FLRT2: variants seen among roughly 807,000 people sequenced by gnomAD.
FLRT2 encodes fibronectin leucine rich transmembrane protein 2.
Under a neutral mutation model 40.0 loss-of-function variants are expected in FLRT2, and 15 were observed. That is an observed-to-expected ratio of 0.38 (90% CI 0.25 to 0.58). The LOEUF is 0.58. Among genes scored for constraint, FLRT2 ranks in the 20% least tolerant of loss-of-function variants. FLRT2 has a pLI of 0.71. For missense variants in FLRT2, 726 were observed against 840.0 expected, an observed-to-expected ratio of 0.86 and a Z score of 1.68; for synonymous variants, 380 against 336.8, an observed-to-expected ratio of 1.13 and a Z score of -1.41.
intron 1 of FLRT2, among the ~76,000 whole-genome samples, chr14:85,594,468 C>T (rs575922586): frequency 3.3e-5 from 5 of 152,114 alleles, no homozygotes; most frequent in Admixed American, 6.5e-5. Context: ...CTCACATACC[C>T]TAGGTGCGGC....
intron 1 of FLRT2, among the ~76,000 whole-genome samples, chr14:85,598,552 C>T (rs769510972): frequency 2.0e-5 from 3 of 152,256 alleles, no homozygotes; most frequent in Middle Eastern, 3.4e-3. Context: ...CTGAATTCAT[C>T]GTAGGGCTTG....
intron 1 of FLRT2, among the ~76,000 whole-genome samples, chr14:85,588,021 TC>T (rs1472682537): frequency 6.6e-6 from 1 of 151,994 alleles, no homozygotes; most frequent in Non-Finnish European, 1.5e-5. Flanking sequence ...AATCTCGGCC[TC>T]CCGGGTTCAT....
rs552369392 is a variant in FLRT2, at chr14:85,543,049, A to G, written c.-377+12515A>G. Among the ~76,000 whole-genome samples, 8 of 152,284 alleles carry G rather than the reference A, an allele frequency of 5.3e-5. No individual in the cohort carries two copies. The South Asian group carries it at 1.7e-3, about 32-fold the overall frequency. On this transcript the variant is annotated intron_variant, in intron 1 of 1. Transcript: ENST00000330753. ...GCCAAGAAGAAGAACCTAAAGTCCA[A>G]CTTCCTGTAACCATCAACACATTTA...
intron 1 of FLRT2, among the ~76,000 whole-genome samples, chr14:85,616,717 T>A (rs750912877): frequency 1.3e-5 from 2 of 152,176 alleles, no homozygotes; most frequent in African/African-American, 4.8e-5. Context: ...AGGACCATGA[T>A]TACCTGATGC....
At chr14:85,612,233 C>T (rs561609982) in intron 1 of FLRT2, among the ~76,000 whole-genome samples, 1 of 151,748 alleles carries the variant, frequency 6.6e-6, no homozygotes, top group South Asian at 2.1e-4. Flanking sequence ...AGTTTGAAAG[C>T]TGCCATGGCC....
chr14:85,613,816 TACTC>T (rs1179646059), intron 1 of FLRT2, among the ~76,000 whole-genome samples: 3 of 152,198 alleles, frequency 2.0e-5, no homozygotes, highest in Non-Finnish European at 4.4e-5. Flanking sequence ...CCCTGTCACT[TACTC>T]ACTGATCAAC....
At chr14:85,538,717 A>G (rs1888814226) in intron 1 of FLRT2, among the ~76,000 whole-genome samples, 2 of 152,282 alleles carry the variant, frequency 1.3e-5, no homozygotes, top group South Asian at 2.1e-4. Flanking sequence ...AACCACCTTC[A>G]GCAGGGAGCA....
Position 85,629,153 on chromosome 14 carries a change from C to G in FLRT2, c.*5656C>G, listed in dbSNP as rs573953662. Reference sequence around the variant, plus strand: ...CACTTTTTCTAATGCATTCCAGTGTCTCAGAGCCTGCATAATCACTTTATA... The same window carrying G: ...CACTTTTTCTAATGCATTCCAGTGTGTCAGAGCCTGCATAATCACTTTATA... On this transcript the variant is annotated 3_prime_UTR_variant, in exon 2 of 2. Transcript: ENST00000330753. 1 of 152,168 alleles carries G rather than the reference C, an allele frequency of 6.6e-6. No homozygotes were observed. Among genetic ancestry groups the G allele is most frequent in the Admixed American group, 6.5e-5 (1 of 15,274 alleles). 9.4% of individuals were successfully genotyped at this position (152,168 alleles called of 1,614,324 possible).
At chr14:85,592,366 A>T (rs4904259) in intron 1 of FLRT2, among the ~76,000 whole-genome samples, 126,062 of 151,986 alleles carry the variant, frequency 0.83, 52,375 homozygotes, top group East Asian at 0.93. Flanking sequence ...ACCTCCACTC[A>T]CCTTTCTTTT....
chr14:85,578,889 G>A (rs373956761), intron 1 of FLRT2, among the ~76,000 whole-genome samples: 1 of 152,108 alleles, frequency 6.6e-6, no homozygotes, highest in African/African-American at 2.4e-5. Flanking sequence ...CAAACCAGAA[G>A]GCACTCCAAA....
At chr14:85,604,704 T>C (rs1013272314) in intron 1 of FLRT2, among the ~76,000 whole-genome samples, 2 of 152,168 alleles carry the variant, frequency 1.3e-5, no homozygotes, top group Non-Finnish European at 2.9e-5. Context: ...ATTGGACTAA[T>C]GGTAGAGGGA....
chr14:85,596,421 T>C (rs1595067090), intron 1 of FLRT2, among the ~76,000 whole-genome samples: 1 of 152,344 alleles, frequency 6.6e-6, no homozygotes, highest in East Asian at 1.9e-4. Flanking sequence ...GCACATTTGT[T>C]AGCTATTTGT....
At chr14:85,545,144 C>T (rs1214204811) in intron 1 of FLRT2, among the ~76,000 whole-genome samples, 1 of 152,170 alleles carries the variant, frequency 6.6e-6, no homozygotes, top group Non-Finnish European at 1.5e-5. Context: ...ATGTGCTCTC[C>T]TGGTTTCTTG....
At chr14:85,556,805 T>G (rs1294138042) in intron 1 of FLRT2, among the ~76,000 whole-genome samples, 1 of 152,220 alleles carries the variant, frequency 6.6e-6, no homozygotes, top group Non-Finnish European at 1.5e-5. Flanking sequence ...TAGCACAATT[T>G]CTGTACCTTT....
intron 1 of FLRT2, among the ~76,000 whole-genome samples, chr14:85,531,566 C>G (rs930389395): frequency 7.2e-5 from 11 of 152,068 alleles, no homozygotes; most frequent in Non-Finnish European, 1.3e-4. Context: ...TACTTGATAC[C>G]CGGGAAACTC....
intron 1 of FLRT2, among the ~76,000 whole-genome samples, chr14:85,588,028 T>G (rs1891707097): frequency 2.6e-5 from 4 of 151,728 alleles, no homozygotes; most frequent in Admixed American, 2.6e-4. Flanking sequence ...GCCTCCCGGG[T>G]TCATGCCATT....
chr14:85,535,904 TTTTTTTTTTTTTTTTTTGTTG>T (rs1028308870), intron 1 of FLRT2, among the ~76,000 whole-genome samples: 4 of 76,830 alleles, frequency 5.2e-5, no homozygotes, highest in African/African-American at 2.5e-4. Context: ...TTTTTTTTTT[TTTTTTTTTTTTTTTTTTGTTG>T]TTGTTGTTGT....
At chr14:85,590,548 C>G (rs1441133586) in intron 1 of FLRT2, among the ~76,000 whole-genome samples, 1 of 152,060 alleles carries the variant, frequency 6.6e-6, no homozygotes, top group African/African-American at 2.4e-5. Context: ...TGCACAGTAT[C>G]ATGCATATGG....
In FLRT2 at chr14:85,538,709, C is replaced by T. The variant is rs1321125217; in HGVS notation, c.-377+8175C>T. Among the ~76,000 whole-genome samples, 4 of 152,216 alleles carry T rather than the reference C, an allele frequency of 2.6e-5. No homozygotes were observed. The East Asian group carries it at 7.7e-4, about 29-fold the overall frequency. On this transcript the variant is annotated intron_variant, in intron 1 of 1. Transcript: ENST00000330753. ...ATATTAGGCCTCAGAACAATTGAAA[C>T]CACCTTCAGCAGGGAGCAAAAGAAC...
Sources: allele counts gnomAD v4.1 joint callset (sites outside exome capture counted in the v4.1 genomes callset), GRCh38; gene constraint gnomAD v4.1.1; transcripts MANE v1.5; gene names NCBI Gene and HGNC (gene_info 2026-07-23, HGNC 2026-07-21).